INTS4: variants seen among roughly 807,000 people sequenced by gnomAD.
The protein encoded by INTS4 is integrator complex subunit 4.
INTS4 carries 70 observed loss-of-function variants against 119.5 expected under a neutral mutation model. The observed-to-expected ratio is 0.59, with a 90% CI of 0.48 to 0.71. The LOEUF is 0.71. Ranked by LOEUF, INTS4 falls within the 30% of genes least tolerant of loss-of-function variation. INTS4 has a pLI of 0.00. For synonymous variants in INTS4, 316 were observed against 419.6 expected (o/e 0.75, Z 3.02); for missense variants, 867 against 1,173.2 (o/e 0.74, Z 3.81).
chr11:77,882,313 G>C (rs187482525), intron 22 of INTS4, among the ~76,000 whole-genome samples: 1 of 152,252 alleles, frequency 6.6e-6, no homozygotes, highest in East Asian at 1.9e-4. Flanking sequence ...ATGGGGCCTA[G>C]GAAAAAGAAC....
chr11:77,942,067 T>A (rs1252392048), intron 8 of INTS4, among the ~76,000 whole-genome samples: 1 of 152,212 alleles, frequency 6.6e-6, no homozygotes, highest in African/African-American at 2.4e-5. Flanking sequence ...CATTCATTCA[T>A]GCATTCAATT....
rs1186842624 is a variant in INTS4, at chr11:77,928,519, G to A, written c.1194C>T (p.Leu398=). 1 of 1,592,382 alleles carries A rather than the reference G, an allele frequency of 6.3e-7. No homozygotes were observed. Among genetic ancestry groups the A allele is most frequent in the Non-Finnish European group, 8.6e-7 (1 of 1,168,114 alleles). Residue 398 remains leucine, a synonymous_variant, in exon 11 of 23, where the codon CTC becomes CTT. Transcript: ENST00000534064. The part of the protein sequence containing the change: ...YEVRIAAVEA[L]CMLAQSSPSF... ...AGGGTGAAGACTGGGCCAACATGCA[G>A]AGGGCCTCCACAGCAGCAATACGAA...
chr11:77,933,673 G>A (rs1230759941), intron 10 of INTS4, among the ~76,000 whole-genome samples: 1 of 151,554 alleles, frequency 6.6e-6, no homozygotes, highest in Non-Finnish European at 1.5e-5. Flanking sequence ...GAGCGTCTCT[G>A]CCTGGCCGCC....
At chr11:77,991,320 C>A in intron 1 of INTS4, 21 bp from the exon 2 acceptor site, 1 of 1,586,750 alleles carries the variant, frequency 6.3e-7, no homozygotes, top group African/African-American at 1.3e-5. Context: ...TAGAGAAAAT[C>A]GAAAACACAG....
chr11:77,953,482 C>T (rs1954243759), intron 8 of INTS4, among the ~76,000 whole-genome samples: 1 of 152,084 alleles, frequency 6.6e-6, no homozygotes, highest in Non-Finnish European at 1.5e-5. Context: ...GATGAGGAAA[C>T]TGAGACTAAT....
intron 10 of INTS4, among the ~76,000 whole-genome samples, chr11:77,935,662 G>A (rs1328487141): frequency 1.1e-4 from 16 of 152,140 alleles, no homozygotes; most frequent in East Asian, 1.9e-4. Context: ...CTGGGAGGCC[G>A]AGGTGGCCGG....
downstream of INTS4, chr11:77,878,664 T>C (rs1951674804): frequency 3.0e-6 from 2 of 658,844 alleles, no homozygotes; most frequent in South Asian, 1.7e-5. Context: ...GCACGTAGTA[T>C]AAAAGCTGAA....
At chr11:77,926,652 A>AT (rs1470592455) in intron 11 of INTS4, among the ~76,000 whole-genome samples, 2 of 151,962 alleles carry the variant, frequency 1.3e-5, no homozygotes, top group African/African-American at 2.4e-5. Flanking sequence ...ACTAAAAAAA[A>AT]AAATATATAC....
intron 2 of INTS4, among the ~76,000 whole-genome samples, chr11:77,988,561 G>A (rs1856545669): frequency 6.6e-6 from 1 of 152,184 alleles, no homozygotes; most frequent in Non-Finnish European, 1.5e-5. Context: ...AATCAAGGAA[G>A]GGGACTAGGA....
downstream of INTS4, among the ~76,000 whole-genome samples, chr11:77,878,229 A>G (rs535047187): frequency 1.3e-3 from 192 of 152,100 alleles, 1 homozygote; most frequent in Admixed American, 1.7e-3. Flanking sequence ...AGGCGTGGTG[A>G]CAGGCGCCTG....
chr11:77,877,627 C>T (rs998893987), downstream of INTS4, among the ~76,000 whole-genome samples: 1 of 152,196 alleles, frequency 6.6e-6, no homozygotes, highest in Non-Finnish European at 1.5e-5. Flanking sequence ...GGCTTTATTA[C>T]TTACTGTACA....
intron 22 of INTS4, among the ~76,000 whole-genome samples, chr11:77,882,770 G>A (rs1951842310): frequency 6.6e-6 from 1 of 152,118 alleles, no homozygotes; most frequent in African/African-American, 2.4e-5. Flanking sequence ...CACCCTGACA[G>A]AGGGAAACCA....
chr11:77,963,352 C>CA (rs777966254), intron 4 of INTS4: 38,774 of 175,626 alleles, frequency 0.22, 4,523 homozygotes, highest in African/African-American at 0.32. Context: ...GACTCCGTCT[C>CA]AAAAAAAAAA....
intron 19 of INTS4, among the ~76,000 whole-genome samples, chr11:77,892,148 T>C (rs570817094): frequency 1.3e-5 from 2 of 152,356 alleles, no homozygotes; most frequent in East Asian, 3.9e-4. Flanking sequence ...GATTCATTAA[T>C]TATTTTAACA....
chr11:77,953,062 C>A (rs1565268490), intron 8 of INTS4, among the ~76,000 whole-genome samples: 1 of 152,162 alleles, frequency 6.6e-6, no homozygotes, highest in Non-Finnish European at 1.5e-5. Context: ...CTCTACTATG[C>A]ACAAGAGTGG....
At chr11:77,915,664 C>G (rs577764434) in intron 15 of INTS4, among the ~76,000 whole-genome samples, 1 of 152,296 alleles carries the variant, frequency 6.6e-6, no homozygotes, top group South Asian at 2.1e-4. Context: ...CCAAGTCCCC[C>G]AGGTGAGTAA....
chr11:77,901,702 T>C (rs1214178043), intron 17 of INTS4, 151 bp from the exon 18 acceptor site: 1 of 605,858 alleles, frequency 1.7e-6, no homozygotes, highest in Non-Finnish European at 2.9e-6. Flanking sequence ...ATTAGTATAG[T>C]ATGCCTTGTA....
chr11:77,893,994 C>T (rs145535805), intron 19 of INTS4, among the ~76,000 whole-genome samples: 2,051 of 151,964 alleles, frequency 0.013, 45 homozygotes, highest in African/African-American at 0.046. Context: ...AACGTATTTA[C>T]ACGTTTTCTT....
At chr11:77,930,927 CA>C (rs1333169111) in intron 10 of INTS4, among the ~76,000 whole-genome samples, 1 of 152,204 alleles carries the variant, frequency 6.6e-6, no homozygotes, top group Non-Finnish European at 1.5e-5. Context: ...TGATTCTCAG[CA>C]TCTGCACATG....
Sources: allele counts gnomAD v4.1 joint callset (sites outside exome capture counted in the v4.1 genomes callset), GRCh38; gene constraint gnomAD v4.1.1; transcripts MANE v1.5; gene names NCBI Gene and HGNC (gene_info 2026-07-23, HGNC 2026-07-21).